Variants in PCNX1 observed in about 807,000 individuals in gnomAD.
PCNX1 encodes pecanex 1.
Under a neutral mutation model 242.2 loss-of-function variants are expected in PCNX1, and 78 were observed. That is an observed-to-expected ratio of 0.32 (90% CI 0.27 to 0.39). The LOEUF is 0.39. Ranked by LOEUF, PCNX1 falls within the 10% of genes least tolerant of loss-of-function variation. The pLI is 1.00. For missense variants in PCNX1, 2,581 were observed against 2,856.5 expected (o/e 0.90, Z 2.20); for synonymous variants, 1,024 against 1,032.9 (o/e 0.99, Z 0.17).
Position 70,988,547 on chromosome 14 carries a change from C to T in PCNX1, c.2312-20C>T. The T allele has an allele frequency of 6.2e-7, 1 of 1,611,988 alleles. No individual in the cohort carries two copies. ...TCTCTGACCTAGGCTCTTGTTTGAC[C>T]TAAGTCTGTCTTGATGCAGCAGCAC... On this transcript the variant is annotated intron_variant, in intron 6 of 35. Transcript: ENST00000304743.
At chr14:71,002,819 T>C (rs1334521027) in intron 8 of PCNX1, among the ~76,000 whole-genome samples, 1 of 152,174 alleles carries the variant, frequency 6.6e-6, no homozygotes, top group African/African-American at 2.4e-5. Flanking sequence ...CTGAACTGTC[T>C]TTTTGAAAAG....
intron 26 of PCNX1, among the ~76,000 whole-genome samples, chr14:71,059,557 T>C (rs1435508176): frequency 1.3e-5 from 2 of 151,908 alleles, no homozygotes; most frequent in African/African-American, 4.8e-5. Flanking sequence ...CTAATTTTTT[T>C]TTAATTTTTA....
At chr14:71,070,224 C>T (rs2061555253) in intron 26 of PCNX1, among the ~76,000 whole-genome samples, 1 of 152,148 alleles carries the variant, frequency 6.6e-6, no homozygotes, top group South Asian at 2.1e-4. Context: ...CTATTCCTGC[C>T]ATATCTGCAA....
Position 70,977,350 on chromosome 14 carries a change from A to G in PCNX1, c.1013A>G (p.Glu338Gly), listed in dbSNP as rs1278117582. 26 of 1,614,030 alleles carry G rather than the reference A, an allele frequency of 1.6e-5. No individual in the cohort carries two copies. The highest frequency in any genetic ancestry group is 2.1e-5 in the Non-Finnish European group (25 of 1,180,034). ...SLVENSGLSG[E>G]FQLAGDLKIN... ...GTGGAAAATTCTGGTTTATCTGGGG[A>G]ATTTCAGCTTGCTGGTGACTTGAAA... The change falls in exon 6 of 36, where the codon GAA becomes GGA. Residue 338 changes from glutamate (E) to glycine (G), a missense_variant. Transcript: ENST00000304743.
At chr14:71,097,237 T>TGC (rs1364036973) in intron 30 of PCNX1, among the ~76,000 whole-genome samples, 1 of 152,242 alleles carries the variant, frequency 6.6e-6, no homozygotes, top group Non-Finnish European at 1.5e-5. Flanking sequence ...AGATTGATTC[T>TGC]GCATCTTTGC....
chr14:71,057,452 T>A lies in PCNX1; in HGVS notation c.4637-57T>A. On this transcript the variant is annotated intron_variant, in intron 25 of 35. Transcript: ENST00000304743. ...AAGTTTTTAATATTTTTAACAATCTTGTTTGTCAAGAGGACTTAAGGTTAA... is the reference window on the plus strand; with the variant it reads ...AAGTTTTTAATATTTTTAACAATCTAGTTTGTCAAGAGGACTTAAGGTTAA... The A allele has an allele frequency of 4.6e-6, 5 of 1,077,990 alleles. No individual in the cohort carries two copies. The South Asian group carries it at 6.8e-5, about 15-fold the overall frequency. The allele number at this position is 1,077,990 out of a possible 1,614,324, so 66.8% of individuals were successfully genotyped here.
intron 1 of PCNX1, among the ~76,000 whole-genome samples, chr14:70,939,134 A>G (rs2140234205): frequency 6.6e-6 from 1 of 152,158 alleles, no homozygotes; most frequent in South Asian, 2.1e-4. Flanking sequence ...TGTCTCATTC[A>G]GTTCTGCTCT....
At chr14:71,008,175 T>C (rs2059719028) in intron 8 of PCNX1, among the ~76,000 whole-genome samples, 2 of 152,222 alleles carry the variant, frequency 1.3e-5, no homozygotes, top group African/African-American at 4.8e-5. Flanking sequence ...TTCTAGTCGT[T>C]TTAAAGAATG....
chr14:71,049,992 A>C (rs1348779060), intron 22 of PCNX1, among the ~76,000 whole-genome samples: 1 of 152,186 alleles, frequency 6.6e-6, no homozygotes, highest in Non-Finnish European at 1.5e-5. Flanking sequence ...TACACAACTA[A>C]ATTTCTATGG....
At chr14:71,032,224 T>C (rs916664369) in intron 16 of PCNX1, among the ~76,000 whole-genome samples, 7 of 152,250 alleles carry the variant, frequency 4.6e-5, no homozygotes, top group Non-Finnish European at 8.8e-5. Context: ...ATTATCACTG[T>C]GTAAATGCTC....
At chr14:70,976,049 T>C (rs887269738) in intron 5 of PCNX1, among the ~76,000 whole-genome samples, 17 of 152,212 alleles carry the variant, frequency 1.1e-4, no homozygotes, top group African/African-American at 4.1e-4. Context: ...TTTTCGTTTG[T>C]TTGTTTCTGA....
At chr14:70,955,140 A>G (rs1294932215) in intron 2 of PCNX1, among the ~76,000 whole-genome samples, 1 of 152,176 alleles carries the variant, frequency 6.6e-6, no homozygotes. Context: ...ATCAGTCACT[A>G]ATTTTTTTTA....
Position 71,103,595 on chromosome 14 carries a change from A to G in PCNX1, c.6021A>G (p.Glu2007=). Residue 2007 remains glutamate, a synonymous_variant, in exon 32 of 36, where the codon GAA becomes GAG. Coordinates refer to ENST00000304743, the MANE Select transcript of PCNX1 (RefSeq NM_014982.3). ...PLTTSYSDSH[E]QLKDILGGPI... is the part of the protein sequence containing the mutation. ...CAACTTCTTACTCTGACAGCCACGA[A>G]CAGCTTAAAGACATTCTTGGGGGTC... The G allele has an allele frequency of 6.2e-7, 1 of 1,614,118 alleles. No homozygotes were observed. The highest frequency in any genetic ancestry group is 1.3e-5 in the African/African-American group (1 of 75,034).
chr14:70,955,329 G>C (rs536956122), intron 2 of PCNX1, among the ~76,000 whole-genome samples: 2 of 152,216 alleles, frequency 1.3e-5, no homozygotes, highest in South Asian at 4.1e-4. Flanking sequence ...AGATTATTTT[G>C]TTTAGGAACT....
In PCNX1 at chr14:70,978,398, T is replaced by A. The variant is rs764059227; in HGVS notation, c.2061T>A (p.Arg687=). 3 of 1,614,234 alleles carry A rather than the reference T, an allele frequency of 1.9e-6. No homozygotes were observed. The highest frequency in any genetic ancestry group is 3.3e-5 in the Admixed American group (2 of 60,034). The change falls in exon 6 of 36, where the codon CGT becomes CGA. Residue 687 remains arginine (R), a synonymous_variant. Coordinates refer to ENST00000304743, the MANE Select transcript of PCNX1 (RefSeq NM_014982.3). ...RTSSTNSAKT[R]ARVLSLDSGT... ...CTAGCACAAATAGTGCCAAGACTCG[T>A]GCCCGAGTGTTGAGCCTGGACAGTG...
intron 6 of PCNX1, among the ~76,000 whole-genome samples, chr14:70,986,929 A>T (rs1233166282): frequency 6.6e-6 from 1 of 152,230 alleles, no homozygotes; most frequent in African/African-American, 2.4e-5. Flanking sequence ...ATTGAGTTTT[A>T]AAATAGTGAT....
chr14:71,072,679 GTA>G, intron 26 of PCNX1, among the ~76,000 whole-genome samples: 1 of 152,250 alleles, frequency 6.6e-6, no homozygotes, highest in South Asian at 2.1e-4. Flanking sequence ...GTACAGTTAA[GTA>G]TGATTACTTT....
chr14:71,028,649 T>C, intron 15 of PCNX1, 51 bp from the exon 16 acceptor site: 1 of 1,067,460 alleles, frequency 9.4e-7, no homozygotes, highest in Non-Finnish European at 1.4e-6. Flanking sequence ...CTTTTAATTA[T>C]TTTCATATAT....
chr14:70,964,402 C>A (rs544570551), intron 3 of PCNX1, among the ~76,000 whole-genome samples: 1 of 152,192 alleles, frequency 6.6e-6, no homozygotes, highest in Non-Finnish European at 1.5e-5. Flanking sequence ...TTTTACAATG[C>A]CTGTTTGAAG....
Sources: allele counts gnomAD v4.1 joint callset (sites outside exome capture counted in the v4.1 genomes callset), GRCh38; gene constraint gnomAD v4.1.1; transcripts MANE v1.5; gene names NCBI Gene and HGNC (gene_info 2026-07-23, HGNC 2026-07-21).